FREM2: variants seen among roughly 807,000 people sequenced by gnomAD.
The protein encoded by FREM2 is FRAS1-related extracellular matrix protein 2.
FREM2 carries 119 observed loss-of-function variants against 219.9 expected under a neutral mutation model. The observed-to-expected ratio is 0.54, with a 90% CI of 0.47 to 0.63. The LOEUF (loss-of-function observed/expected upper bound fraction) is 0.63, where lower values mean the gene tolerates loss of function less well. Ranked by LOEUF, FREM2 falls within the 30% of genes least tolerant of loss-of-function variation. The pLI is 0.00. For missense variants in FREM2, 4,030 were observed against 3,993.6 expected (o/e 1.01, Z -0.25); for synonymous variants, 1,562 against 1,522.8 (o/e 1.03, Z -0.60).
chr13:38,839,094 A>AT (rs543122611), intron 6 of FREM2, among the ~76,000 whole-genome samples: 63 of 152,022 alleles, frequency 4.1e-4, no homozygotes, highest in African/African-American at 1.5e-3. Flanking sequence ...ATCTTCGTGG[A>AT]TTTATCTACC....
chr13:38,830,316 C>T (rs904145007), intron 6 of FREM2, among the ~76,000 whole-genome samples: 2 of 152,170 alleles, frequency 1.3e-5, no homozygotes, highest in African/African-American at 2.4e-5. Context: ...CACTTTGATA[C>T]TGTCCTTCAC....
chr13:38,856,069 A>C, intron 11 of FREM2, 57 bp from the exon 12 acceptor site: 1 of 1,165,786 alleles, frequency 8.6e-7, no homozygotes, highest in Non-Finnish European at 1.2e-6. Context: ...AAAAAAAAAT[A>C]GAAAACTTCT....
chr13:38,825,005 A>C (rs1332855247), intron 6 of FREM2, among the ~76,000 whole-genome samples: 1 of 152,062 alleles, frequency 6.6e-6, no homozygotes, highest in Non-Finnish European at 1.5e-5. Flanking sequence ...GCTAGATCAG[A>C]TCTCCCTCAC....
At chr13:38,875,839 C>T (rs1321896022) in intron 18 of FREM2, among the ~76,000 whole-genome samples, 183 bp from the exon 19 acceptor site, 1 of 152,212 alleles carries the variant, frequency 6.6e-6, no homozygotes, top group East Asian at 1.9e-4. Context: ...CACACAGTCA[C>T]TCACAGCCCA....
At position 38,695,075 on chromosome 13, in the gene FREM2, A is replaced by G. The variant is rs371454829; in HGVS notation, c.5173+2558A>G. On this transcript the variant is annotated intron_variant, in intron 1 of 23. Transcript: ENST00000280481. ...TTAATGTATATTTAACAACTAGAAG[A>G]AAATCTAGATAATTCTTAGATATTT... 4.4e-4 allele frequency among the ~76,000 whole-genome samples: 67 copies of G among 152,352 alleles called. No individual in the cohort carries two copies. The East Asian group carries it at 8.5e-3, about 19-fold the overall frequency.
intron 2 of FREM2, among the ~76,000 whole-genome samples, chr13:38,711,817 C>A: frequency 6.6e-6 from 1 of 151,280 alleles, no homozygotes; most frequent in Admixed American, 6.6e-5. Flanking sequence ...AAAATGTGGT[C>A]AACACTTTGT....
At chr13:38,824,451 G>A (rs1876193048) in intron 6 of FREM2, among the ~76,000 whole-genome samples, 1 of 152,096 alleles carries the variant, frequency 6.6e-6, no homozygotes, top group South Asian at 2.1e-4. Flanking sequence ...GAAAGAAAGA[G>A]TTTAATTGAC....
At chr13:38,740,786 CTT>C (rs1168651767) in intron 2 of FREM2, among the ~76,000 whole-genome samples, 1 of 152,108 alleles carries the variant, frequency 6.6e-6, no homozygotes, top group Non-Finnish European at 1.5e-5. Context: ...TTGTAGGAAA[CTT>C]TTATTCATAA....
Position 38,880,508 on chromosome 13 carries a change from C to T in FREM2, c.9231C>T (p.His3077=). 1.2e-6 allele frequency: 2 copies of T among 1,614,152 alleles called. No homozygotes were observed. The highest frequency in any genetic ancestry group is 8.5e-7 in the Non-Finnish European group (1 of 1,180,034). The stretch of plus-strand genomic sequence containing the variant: ...ACAGTCGAGGAACAAACATCCAGCA[C>T]ATTGCCCTGGACCGCACCAAGAGGC... The part of the protein sequence containing the change: ...AENSRGTNIQ[H]IALDRTKRQI... The change falls in exon 24 of 24, where the codon CAC becomes CAT. Residue 3077 remains histidine, a synonymous_variant. Transcript: ENST00000280481.
intron 4 of FREM2, among the ~76,000 whole-genome samples, chr13:38,772,808 T>C (rs1873719688): frequency 6.6e-6 from 1 of 152,082 alleles, no homozygotes; most frequent in African/African-American, 2.4e-5. Flanking sequence ...GCAATTCTCC[T>C]GTCTCATCCT....
At chr13:38,767,032 A>C (rs1355888819) in intron 3 of FREM2, among the ~76,000 whole-genome samples, 2 of 152,222 alleles carry the variant, frequency 1.3e-5, no homozygotes, top group Non-Finnish European at 2.9e-5. Context: ...AGGTGAGGAA[A>C]TAGAGAGGCT....
rs115096990 is a variant in FREM2 at position 38,837,758 on chromosome 13, A to G, written c.6020-8815A>G. ...TCTGTTTTAAGAGACTAGGATTGCA[A>G]CCCCTGGTTTTTTTTTGTTTTGTTT... On this transcript the variant is annotated intron_variant, in intron 6 of 23. Transcript: ENST00000280481. Among the ~76,000 whole-genome samples, 1,211 of 144,342 alleles carry G rather than the reference A, an allele frequency of 8.4e-3. 17 individuals carry two copies. Among genetic ancestry groups the G allele is most frequent in the African/African-American group, 0.029 (1,160 of 39,492 alleles). The allele number at this position is 144,342 out of a possible 152,430, so 94.7% of individuals were successfully genotyped here. A position where few individuals can be genotyped will look rare whatever the true frequency, so the allele number is the denominator to read the frequency against.
At position 38,690,403 on chromosome 13, in the gene FREM2, G is replaced by T. The variant is rs1345208820; in HGVS notation, c.3059G>T (p.Ser1020Ile). The change falls in exon 1 of 24, where the codon AGT becomes ATT. Residue 1020 changes from serine to isoleucine, a missense_variant. Coordinates refer to ENST00000280481, the MANE Select transcript of FREM2 (RefSeq NM_207361.6). ...LEGSVVYTHT[S>I]GEIGLLPKAD... Reference sequence around the variant, plus strand: ...GGCTCTGTTGTATATACCCACACCAGTGGTGAGATAGGCCTATTGCCTAAA... The same window carrying T: ...GGCTCTGTTGTATATACCCACACCATTGGTGAGATAGGCCTATTGCCTAAA... 6.2e-7 allele frequency: 1 copy of T among 1,614,186 alleles called. No homozygotes were observed.
In FREM2 at chr13:38,689,107, A is replaced by G. The variant is rs748829194; in HGVS notation, c.1763A>G (p.Asp588Gly). ...PILPLSLSAT[D>G]MDSDDSLLLF... ...CTGCCCCTTTCCCTGAGTGCAACTG[A>G]CATGGATTCAGATGATTCTCTGCTG... Residue 588 changes from aspartate to glycine, a missense_variant, in exon 1 of 24, where the codon GAC (aspartate) becomes GGC (glycine). Physicochemically the swap from Asp to Gly is moderately conservative, Grantham distance 94. Around this residue, in one of 2 missense-constraint regions of FREM2, gnomAD observed 3,102 missense variants for 2,950.7 expected, o/e 1.05. Coordinates refer to ENST00000280481, the MANE Select transcript of FREM2 (RefSeq NM_207361.6). The G allele has an allele frequency of 1.9e-6, 3 of 1,613,838 alleles. No individual in the cohort carries two copies. The highest frequency in any genetic ancestry group is 1.1e-5 in the South Asian group (1 of 91,088).
intron 6 of FREM2, among the ~76,000 whole-genome samples, chr13:38,796,743 T>C (rs1874803908): frequency 6.6e-6 from 1 of 152,220 alleles, no homozygotes; most frequent in Admixed American, 6.5e-5. Flanking sequence ...GTGCAGGTAT[T>C]CCTTTGATAT....
chr13:38,769,224 A>T (rs1873557251), intron 3 of FREM2, among the ~76,000 whole-genome samples: 1 of 152,194 alleles, frequency 6.6e-6, no homozygotes, highest in African/African-American at 2.4e-5. Context: ...AACACATGCA[A>T]AAGTAAATGT....
chr13:38,734,663 T>C (rs1195427168), intron 2 of FREM2, among the ~76,000 whole-genome samples: 1 of 151,734 alleles, frequency 6.6e-6, no homozygotes, highest in Non-Finnish European at 1.5e-5. Context: ...CTATGACATA[T>C]TAAATAACAT....
chr13:38,719,606 T>C (rs1314149033), intron 2 of FREM2, among the ~76,000 whole-genome samples: 1 of 152,200 alleles, frequency 6.6e-6, no homozygotes. Flanking sequence ...TCTGTTGGGC[T>C]CACCCAGACA....
At chr13:38,713,571 G>A (rs1870866478) in intron 2 of FREM2, among the ~76,000 whole-genome samples, 1 of 152,146 alleles carries the variant, frequency 6.6e-6, no homozygotes, top group Non-Finnish European at 1.5e-5. Context: ...GCCATTCTAT[G>A]GCCTTAACTG....
Sources: allele counts gnomAD v4.1 joint callset (sites outside exome capture counted in the v4.1 genomes callset), GRCh38; gene constraint gnomAD v4.1.1; regional missense constraint gnomAD v4.1.1; transcripts MANE v1.5; gene names NCBI Gene and HGNC (gene_info 2026-07-23, HGNC 2026-07-21).